AP3B1: variants seen among roughly 807,000 people sequenced by gnomAD.
AP3B1 encodes the protein AP-3 complex subunit beta-1.
AP3B1 carries 61 observed loss-of-function variants against 132.5 expected under a neutral mutation model. That is an observed-to-expected ratio of 0.46 (90% CI 0.37 to 0.57). AP3B1 has a LOEUF of 0.57. Ranked by LOEUF, AP3B1 falls within the 20% of genes least tolerant of loss-of-function variation. The pLI is 0.00. For missense variants in AP3B1, 1,120 were observed against 1,289.4 expected (o/e 0.87, Z 2.01); for synonymous variants, 388 against 438.3 (o/e 0.89, Z 1.43).
At chr5:78,130,535 T>G (rs1378556742) in intron 15 of AP3B1, among the ~76,000 whole-genome samples, 1 of 152,096 alleles carries the variant, frequency 6.6e-6, no homozygotes, top group Non-Finnish European at 1.5e-5. Flanking sequence ...TTAATAGAGC[T>G]ATTCTGAATT....
At chr5:78,272,822 G>C (rs1054518921) in intron 1 of AP3B1, among the ~76,000 whole-genome samples, 1 of 152,072 alleles carries the variant, frequency 6.6e-6, no homozygotes, top group Admixed American at 6.6e-5. Context: ...AACTCTAAAA[G>C]TTTTTGGTGT....
Position 78,129,295 on chromosome 5 carries a change from T to C in AP3B1, c.1663A>G (p.Thr555Ala), listed in dbSNP as rs1165452892. 2 of 1,612,060 alleles carry C rather than the reference T, an allele frequency of 1.2e-6. No individual in the cohort carries two copies. The highest frequency in any genetic ancestry group is 1.3e-5 in the African/African-American group (1 of 74,986). The change falls in exon 16 of 27, where the codon ACC (threonine) becomes GCC (alanine). Residue 555 changes from threonine to alanine, a missense_variant. By Grantham distance (58) the Thr-to-Ala change is moderately conservative. Coordinates refer to ENST00000255194, the MANE Select transcript of AP3B1 (RefSeq NM_003664.5). ...TTGCCGAGATTTAATATGTACTGGGTAAGCAATTTTGTCTGTTGGAAAAAA... is the reference window on the plus strand; with the variant it reads ...TTGCCGAGATTTAATATGTACTGGGCAAGCAATTTTGTCTGTTGGAAAAAA... ...LTNSKQTKLL[T>A]QYILNLGKYD...
intron 17 of AP3B1, among the ~76,000 whole-genome samples, chr5:78,123,575 C>T (rs1404929657): frequency 2.0e-5 from 3 of 152,156 alleles, no homozygotes; most frequent in East Asian, 1.9e-4. Context: ...GACATTTATG[C>T]AGCCAAAAAA....
chr5:78,039,927 T>A, intron 22 of AP3B1, among the ~76,000 whole-genome samples: 1 of 145,104 alleles, frequency 6.9e-6, no homozygotes, highest in South Asian at 2.3e-4. Context: ...TTTCCCTAGA[T>A]CCTCTATATT....
intron 1 of AP3B1, among the ~76,000 whole-genome samples, chr5:78,283,331 T>C (rs2112588079): frequency 6.6e-6 from 1 of 152,312 alleles, no homozygotes; most frequent in East Asian, 1.9e-4. Flanking sequence ...CAATAAACCA[T>C]TTATCGGCTG....
At chr5:78,037,084 T>C (rs770405132) in intron 23 of AP3B1, among the ~76,000 whole-genome samples, 5 of 152,176 alleles carry the variant, frequency 3.3e-5, no homozygotes, top group Non-Finnish European at 7.4e-5. Flanking sequence ...ACTGAGGCAA[T>C]GGTAAACATT....
chr5:78,230,648 C>T (rs1408432077), intron 3 of AP3B1, among the ~76,000 whole-genome samples: 1 of 152,156 alleles, frequency 6.6e-6, no homozygotes, highest in African/African-American at 2.4e-5. Context: ...CCCAAGTTAT[C>T]CCGCTTCACC....
chr5:78,218,886 T>C (rs1477824876), intron 6 of AP3B1, among the ~76,000 whole-genome samples: 1 of 152,040 alleles, frequency 6.6e-6, no homozygotes, highest in East Asian at 1.9e-4. Flanking sequence ...ATATTCCCCT[T>C]CTTATTTCAA....
intron 22 of AP3B1, among the ~76,000 whole-genome samples, chr5:78,059,818 T>C (rs1006838230): frequency 2.0e-5 from 3 of 152,208 alleles, no homozygotes; most frequent in African/African-American, 4.8e-5. Flanking sequence ...GCACTGCTTA[T>C]TATCTAAGAC....
At chr5:78,030,128 GTC>G (rs1460232117) in intron 24 of AP3B1, among the ~76,000 whole-genome samples, 2 of 151,824 alleles carry the variant, frequency 1.3e-5, no homozygotes, top group African/African-American at 4.8e-5. Flanking sequence ...GTTTTTCTCT[GTC>G]TCTGATTTTT....
chr5:78,269,462 G>T (rs1748461995), intron 1 of AP3B1, among the ~76,000 whole-genome samples: 1 of 152,044 alleles, frequency 6.6e-6, no homozygotes, highest in South Asian at 2.1e-4. Flanking sequence ...TCTTATTTTA[G>T]CCCCAGAATG....
Position 78,294,498 on chromosome 5 carries a change from T to C in AP3B1, c.82A>G (p.Ile28Val). ...AGGCCGAAGGCCCCCGAGGGGGAAATGGTTGAGGTCGCCTCCTGACCCAGC... is the reference window on the plus strand; with the variant it reads ...AGGCCGAAGGCCCCCGAGGGGGAAACGGTTGAGGTCGCCTCCTGACCCAGC... The part of the protein sequence containing the change: ...TELGQEATST[I>V]SPSGAFGLFS... Residue 28 changes from isoleucine (I) to valine (V), a missense_variant, in exon 1 of 27, where the codon ATT becomes GTT. By Grantham distance (29) the Ile-to-Val change is conservative (BLOSUM62 3). Coordinates refer to ENST00000255194, the MANE Select transcript of AP3B1 (RefSeq NM_003664.5). 6.2e-7 allele frequency: 1 copy of C among 1,614,214 alleles called. No individual in the cohort carries two copies. Among genetic ancestry groups the C allele is most frequent in the Non-Finnish European group, 8.5e-7 (1 of 1,180,030 alleles).
At chr5:78,097,852 G>GA (rs1318381052) in intron 21 of AP3B1, among the ~76,000 whole-genome samples, 4 of 152,242 alleles carry the variant, frequency 2.6e-5, no homozygotes, top group Non-Finnish European at 5.9e-5. Flanking sequence ...GAAAGGTGGG[G>GA]AAAAGATTGA....
At position 78,209,962 on chromosome 5, in the gene AP3B1, G is replaced by A. The variant is rs558316599; in HGVS notation, c.786+6093C>T. Among the ~76,000 whole-genome samples, 20 of 152,134 alleles carry A rather than the reference G, an allele frequency of 1.3e-4. No homozygotes were observed. In the East Asian group the frequency reaches 2.3e-3, roughly 18 times the overall value. On this transcript the variant is annotated intron_variant, in intron 7 of 26. Coordinates refer to ENST00000255194, the MANE Select transcript of AP3B1 (RefSeq NM_003664.5). ...AACAAAAAGAATACGGAATCTTTACGATAAATGCTTCATAACCAATGGGAA... is the reference window on the plus strand; with the variant it reads ...AACAAAAAGAATACGGAATCTTTACAATAAATGCTTCATAACCAATGGGAA...
At chr5:78,154,836 G>C (rs185926908) in intron 14 of AP3B1, among the ~76,000 whole-genome samples, 57 of 152,228 alleles carry the variant, frequency 3.7e-4, no homozygotes, top group African/African-American at 1.3e-3. Flanking sequence ...TTATCAGATA[G>C]AATTCTAAAT....
intron 11 of AP3B1, among the ~76,000 whole-genome samples, chr5:78,168,981 ATATGAATAATACATCATTCTAAT>A (rs1743783966): frequency 6.6e-6 from 1 of 152,168 alleles, no homozygotes; most frequent in Non-Finnish European, 1.5e-5. Context: ...CTCAGTTTTC[ATATGAATAATACATCATTCTAAT>A]ATTGAACAGT....
At chr5:78,255,812 A>ATCTTATCC (rs1747824231) in intron 2 of AP3B1, among the ~76,000 whole-genome samples, 1 of 152,122 alleles carries the variant, frequency 6.6e-6, no homozygotes, top group Admixed American at 6.6e-5. Flanking sequence ...CAACACATAA[A>ATCTTATCC]TCTTTCTCAA....
At chr5:78,275,839 T>C (rs28701547) in intron 1 of AP3B1, among the ~76,000 whole-genome samples, 34,270 of 152,044 alleles carry the variant, frequency 0.23, 4,521 homozygotes, top group Middle Eastern at 0.31. Context: ...TCAATAAAGG[T>C]GTAAAAAATT....
intron 8 of AP3B1, among the ~76,000 whole-genome samples, chr5:78,180,630 T>G (rs1417604968): frequency 6.6e-6 from 1 of 151,858 alleles, no homozygotes; most frequent in Admixed American, 6.6e-5. Context: ...GAAATGAAAT[T>G]TTATTAAAAT....
Sources: gnomAD v4.1 joint callset for allele counts (sites outside exome capture counted in the v4.1 genomes callset) on GRCh38, gnomAD v4.1.1 for gene constraint, MANE v1.5 for transcripts, NCBI Gene and HGNC (gene_info 2026-07-23, HGNC 2026-07-21) for gene names.